KCP: variants seen among roughly 807,000 people sequenced by gnomAD.
KCP encodes the protein kielin/chordin-like protein.
Under a neutral mutation model 212.7 loss-of-function variants are expected in KCP, and 194 were observed. That is an observed-to-expected ratio of 0.91 (90% CI 0.81 to 1.03). The LOEUF is 1.03. Ranked by LOEUF, KCP falls within the 50% of genes least tolerant of loss-of-function variation. The probability of loss-of-function intolerance (pLI) is 0.00; values close to 1 mark genes in which losing one functional copy is unlikely to be tolerated. For missense variants in KCP, 2,080 were observed against 2,162.5 expected, an observed-to-expected ratio of 0.96 and a Z score of 0.76; for synonymous variants, 833 against 865.3, an observed-to-expected ratio of 0.96 and a Z score of 0.65.
intron 8 of KCP, among the ~76,000 whole-genome samples, chr7:128,896,889 C>CAAAAA (rs35522047): frequency 1.7e-5 from 1 of 58,072 alleles, no homozygotes; most frequent in African/African-American, 6.7e-5. Context: ...GACTCCATCT[C>CAAAAA]AAAAAAAAAA....
chr7:128,894,220 G>A lies in KCP; in HGVS notation c.905C>T (p.Thr302Ile), dbSNP rs1794377619. The change falls in exon 9 of 40, where the codon ACC (threonine) becomes ATC (isoleucine). Residue 302 changes from threonine (T) to isoleucine (I), a missense_variant. By Grantham distance (89) the Thr-to-Ile change is moderately conservative. Coordinates refer to ENST00000610776, the MANE Select transcript of KCP (RefSeq NM_001366122.1). ...CTCACCATCACACACAGGGCAGCAG[G>A]TGCCTGGGAGGGGCCGGGCTGGGTA... ...CPYPARPLPG[T>I]CCPVCDGCFL... 6.5e-7 allele frequency: 1 copy of A among 1,537,370 alleles called. No individual in the cohort carries two copies. Among genetic ancestry groups the A allele is most frequent in the African/African-American group, 1.4e-5 (1 of 72,850 alleles).
At chr7:128,899,025 A>G (rs1794686376) in intron 8 of KCP, among the ~76,000 whole-genome samples, 1 of 152,216 alleles carries the variant, frequency 6.6e-6, no homozygotes, top group Non-Finnish European at 1.5e-5. Context: ...TGGGTTTGAC[A>G]TCAATAATGC....
At position 128,890,410 on chromosome 7, in the gene KCP, C is replaced by A. The variant is rs752969230; in HGVS notation, c.2268G>T (p.Glu756Asp). 6.4e-7 allele frequency: 1 copy of A among 1,551,262 alleles called. No homozygotes were observed. The highest frequency in any genetic ancestry group is 1.2e-5 in the South Asian group (1 of 84,056). The change falls in exon 21 of 40, where the codon GAG becomes GAT. Residue 756 changes from glutamate to aspartate, a missense_variant. Physicochemically the swap from Glu to Asp is conservative, Grantham distance 45. Transcript: ENST00000610776. ...CLCWEGSVSC[E>D]PKACAPALCP... ...ACAGTGCAGGGGCACATGCCTTGGG[C>A]TCGCAGCTCACGCTGCCCTCCCAGC...
At position 128,879,560 on chromosome 7, in the gene KCP, C is replaced by T; in HGVS notation, c.4108G>A (p.Gly1370Arg). 1 of 1,550,420 alleles carries T rather than the reference C, an allele frequency of 6.4e-7. No individual in the cohort carries two copies. Among genetic ancestry groups the T allele is most frequent in the East Asian group, 2.4e-5 (1 of 40,916 alleles). The change falls in exon 37 of 40, where the codon GGA (glycine) becomes AGA (arginine). Residue 1370 changes from glycine (G) to arginine (R), a missense_variant. By Grantham distance (125) the Gly-to-Arg change is moderately radical (BLOSUM62 -2). Coordinates refer to ENST00000610776, the MANE Select transcript of KCP (RefSeq NM_001366122.1). ...TGGGCGTGCAGGATCACAGTGTGTC[C>T]TCGCAGCTCCACATACAGCAGCGGC... The part of the protein sequence containing the change: ...QEPLLYVELR[G>R]HTVILHAQPG...
chr7:128,881,023 T>C lies in KCP; in HGVS notation c.3487A>G (p.Asn1163Asp). The C allele has an allele frequency of 2.5e-6, 1 of 398,846 alleles. No homozygotes were observed. The allele number at this position is 398,846 out of a possible 1,614,324, so 24.7% of individuals were successfully genotyped here. The change falls in exon 32 of 40, where the codon AAT (asparagine) becomes GAT (aspartate). Residue 1163 changes from asparagine (N) to aspartate (D), a missense_variant. By Grantham distance (23) the Asn-to-Asp change is conservative. Transcript: ENST00000610776. ...TGGCAGGTGCAGGCGATGCACGCATTGCTGGGGTCCCGCCAGCTCTCTCCA... is the reference window on the plus strand; with the variant it reads ...TGGCAGGTGCAGGCGATGCACGCATCGCTGGGGTCCCGCCAGCTCTCTCCA... ...ADGESWRDPS[N>D]ACIACTCHRG...
Position 128,891,209 on chromosome 7 carries a change from C to T in KCP, c.1948G>A (p.Gly650Arg), listed in dbSNP as rs1301231177. 8 of 1,544,646 alleles carry T rather than the reference C, an allele frequency of 5.2e-6. No individual in the cohort carries two copies. The highest frequency in any genetic ancestry group is 6.1e-6 in the Non-Finnish European group (7 of 1,146,570). The change falls in exon 19 of 40, where the codon GGA (glycine) becomes AGA (arginine). Residue 650 changes from glycine (G) to arginine (R), a missense_variant. By Grantham distance (125) the Gly-to-Arg change is moderately radical. Transcript: ENST00000610776. ...LPCPEPVLLP[G>R]ECCPQCPAAP... ...CCTGGGCACTGCGGGCAGCACTCTC[C>T]CGGCAGCAGGACAGGCTCTGGACAG...
chr7:128,888,448 CCA>C (rs375968363), intron 22 of KCP, among the ~76,000 whole-genome samples: 1 of 114,786 alleles, frequency 8.7e-6, no homozygotes, highest in Non-Finnish European at 1.9e-5. Flanking sequence ...ATACACACGG[CCA>C]CACACACACA....
At chr7:128,908,278 G>GAAAGAAAA in intron 2 of KCP, 148 bp downstream of exon 2, 1 of 558,034 alleles carries the variant, frequency 1.8e-6, no homozygotes, top group Admixed American at 4.2e-5. Flanking sequence ...AAGAAAGAAA[G>GAAAGAAAA]AAAGAAAGAA....
At chr7:128,903,383 G>T in intron 7 of KCP, 1 of 325,988 alleles carries the variant, frequency 3.1e-6, no homozygotes, top group South Asian at 5.3e-5. Flanking sequence ...CCTGCCCTTG[G>T]CTGTTACAAG....
chr7:128,895,545 T>C (rs1437146581), intron 8 of KCP, among the ~76,000 whole-genome samples: 1 of 152,194 alleles, frequency 6.6e-6, no homozygotes, highest in African/African-American at 2.4e-5. Context: ...CCAAAGCAAC[T>C]CCATCTTGAA....
intron 2 of KCP, 56 bp from the exon 3 acceptor site, chr7:128,907,509 G>C: frequency 7.4e-6 from 9 of 1,221,730 alleles, no homozygotes; most frequent in Non-Finnish European, 9.8e-6. Context: ...ACCATCTCCA[G>C]TAGAGATGAG....
Position 128,879,444 on chromosome 7 carries a change from C to G in KCP, c.4146+78G>C. ...CTAGGAGGTAGCTGGCATCCCCACCCCCTCTACAGATACAGAGGCCTAAAC... is the reference window on the plus strand; with the variant it reads ...CTAGGAGGTAGCTGGCATCCCCACCGCCTCTACAGATACAGAGGCCTAAAC... On this transcript the variant is annotated intron_variant, in intron 37 of 39. Coordinates refer to ENST00000610776, the MANE Select transcript of KCP (RefSeq NM_001366122.1). 3 of 1,250,644 alleles carry G rather than the reference C, an allele frequency of 2.4e-6. No homozygotes were observed. In the South Asian group the frequency reaches 4.2e-5, roughly 17 times the overall value. The allele number at this position is 1,250,644 out of a possible 1,614,324, so 77.5% of individuals were successfully genotyped here.
At chr7:128,894,086 C>T (rs1794365528) in intron 9 of KCP, 31 bp from the exon 10 acceptor site, 3 of 1,539,994 alleles carry the variant, frequency 1.9e-6, no homozygotes, top group Non-Finnish European at 2.6e-6. Context: ...AGATGTTCCT[C>T]AGGGGCCCCT....
chr7:128,883,837 C>T (rs1254393003), intron 29 of KCP, among the ~76,000 whole-genome samples, 165 bp downstream of exon 29: 1 of 152,236 alleles, frequency 6.6e-6, no homozygotes, highest in Non-Finnish European at 1.5e-5. Context: ...CTGTCAGCTT[C>T]CCCAGTTCCC....
At chr7:128,910,105 C>T (rs1410878900) in intron 1 of KCP, among the ~76,000 whole-genome samples, 1 of 152,178 alleles carries the variant, frequency 6.6e-6, no homozygotes, top group African/African-American at 2.4e-5. Flanking sequence ...AAGCTAGGGC[C>T]AGCCTCGCCT....
chr7:128,904,139 C>T lies in KCP; in HGVS notation c.572-1G>A, dbSNP rs1795003952. ...TAAAGCTGCCCCTCATAATCACAGCCTGGGAAGGTTGGCAGGATGACAAGT... is the reference window on the plus strand; with the variant it reads ...TAAAGCTGCCCCTCATAATCACAGCTTGGGAAGGTTGGCAGGATGACAAGT... On this transcript the variant is annotated splice_acceptor_variant, in intron 5 of 39. Coordinates refer to ENST00000610776, the MANE Select transcript of KCP (RefSeq NM_001366122.1). LOFTEE classifies it high-confidence loss of function. 1 of 1,551,676 alleles carries T rather than the reference C, an allele frequency of 6.4e-7. No homozygotes were observed. Among genetic ancestry groups the T allele is most frequent in the Non-Finnish European group, 8.7e-7 (1 of 1,146,922 alleles).
At chr7:128,878,810 C>T in intron 37 of KCP, 88 bp from the exon 38 acceptor site, 1 of 1,285,922 alleles carries the variant, frequency 7.8e-7, no homozygotes, top group Non-Finnish European at 1.1e-6. Context: ...GCACTGTGTT[C>T]AGTGCGGCCA....
In KCP at chr7:128,886,924, G is replaced by C. The variant is rs1428082543; in HGVS notation, c.2641C>G (p.Leu881Val). ...RCQKKPCPPA[L>V]CPHPSPGPCF... ...GGGCCTGGAGAGGGGTGGGGGCAGA[G>C]AGCTGGGGGACATGGCTTCTTCTGG... The change falls in exon 24 of 40, where the codon CTC (leucine) becomes GTC (valine). Residue 881 changes from leucine to valine, a missense_variant. Physicochemically the swap from Leu to Val is conservative, Grantham distance 32. Transcript: ENST00000610776. 6.5e-7 allele frequency: 1 copy of C among 1,532,516 alleles called. No individual in the cohort carries two copies. The highest frequency in any genetic ancestry group is 1.4e-5 in the African/African-American group (1 of 72,124). 94.9% of individuals were successfully genotyped at this position (1,532,516 alleles called of 1,614,324 possible). A position where few individuals can be genotyped will look rare whatever the true frequency, so the allele number is the denominator to read the frequency against.
chr7:128,910,629 C>T lies in KCP; in HGVS notation c.48G>A (p.Gly16=), dbSNP rs1178030219. 1 of 1,517,882 alleles carries T rather than the reference C, an allele frequency of 6.6e-7. No homozygotes were observed. Among genetic ancestry groups the T allele is most frequent in the Admixed American group, 2.0e-5 (1 of 49,736 alleles). 94.0% of individuals were successfully genotyped at this position (1,517,882 alleles called of 1,614,324 possible). A position where few individuals can be genotyped will look rare whatever the true frequency, so the allele number is the denominator to read the frequency against. ...CCGCGCCCGCGGCCAGCGCCAGGGC[C>T]CCGAGGTGCAGGAGAAGGGACAGCG... ...AAALSLLLHL[G]ALALAAGAEG... The change falls in exon 1 of 40, where the codon GGG becomes GGA. Residue 16 remains glycine (G), a synonymous_variant. Transcript: ENST00000610776.
Sources: allele counts gnomAD v4.1 joint callset (sites outside exome capture counted in the v4.1 genomes callset), GRCh38; gene constraint gnomAD v4.1.1; transcripts MANE v1.5; gene names NCBI Gene and HGNC (gene_info 2026-07-23, HGNC 2026-07-21).